Variants in NAP1L4 observed in about 807,000 individuals in gnomAD.
NAP1L4 encodes nucleosome assembly protein 1 like 4.
NAP1L4 carries 15 observed loss-of-function variants against 58.2 expected under a neutral mutation model. The observed-to-expected ratio is 0.26, with a 90% CI of 0.17 to 0.40. The LOEUF (loss-of-function observed/expected upper bound fraction) is 0.40. NAP1L4 is among the 10% of genes least tolerant of loss of function. The pLI is 1.00. For synonymous variants in NAP1L4, 171 were observed against 155.6 expected, an observed-to-expected ratio of 1.10 and a Z score of -0.74; for missense variants, 384 against 451.1, an observed-to-expected ratio of 0.85 and a Z score of 1.35.
In NAP1L4 at chr11:2,957,585, T is replaced by C. The variant is rs140798945; in HGVS notation, c.892+814A>G. ...TAGTTCATGGAAACTAAAGAGAATA[T>C]GGATATTTTAACACTGACAAGTTGC... is the stretch of plus-strand genomic sequence containing the variant. On this transcript the variant is annotated intron_variant, in intron 10 of 15. Coordinates refer to ENST00000380542, the MANE Select transcript of NAP1L4 (RefSeq NM_005969.4). Among the ~76,000 whole-genome samples, 536 of 152,328 alleles carry C rather than the reference T, an allele frequency of 3.5e-3. 14 individuals are homozygous for C. Among genetic ancestry groups the C allele is most frequent in the Non-Finnish European group, 3.1e-3 (214 of 68,040 alleles).
chr11:2,973,642 ACT>A (rs2133979384), intron 4 of NAP1L4, among the ~76,000 whole-genome samples: 1 of 152,276 alleles, frequency 6.6e-6, no homozygotes, highest in South Asian at 2.1e-4. Context: ...TTAAGCAAAG[ACT>A]CTCAAATAAT....
intron 1 of NAP1L4, among the ~76,000 whole-genome samples, chr11:2,980,877 ATT>A (rs1848260728): frequency 6.6e-6 from 1 of 152,118 alleles, no homozygotes; most frequent in South Asian, 2.1e-4. Context: ...AATATTACAC[ATT>A]GTCTTTTTCA....
chr11:2,981,984 T>C (rs1248594098), intron 1 of NAP1L4, among the ~76,000 whole-genome samples: 2 of 152,300 alleles, frequency 1.3e-5, no homozygotes, highest in South Asian at 2.1e-4. Flanking sequence ...TTAGTTCCCT[T>C]CTCACATATT....
At chr11:2,967,920 T>C (rs971077266) in intron 7 of NAP1L4, among the ~76,000 whole-genome samples, 1 of 152,134 alleles carries the variant, frequency 6.6e-6, no homozygotes, top group Non-Finnish European at 1.5e-5. Flanking sequence ...GCACTATCCA[T>C]GGCCAGTGAC....
intron 1 of NAP1L4, chr11:2,991,913 C>G (rs1378407990): frequency 1.3e-5 from 2 of 152,130 alleles, no homozygotes; most frequent in Non-Finnish European, 2.9e-5. Context: ...TCGCCGTCTT[C>G]GCCTCCTCCA....
intron 10 of NAP1L4, 109 bp downstream of exon 10, chr11:2,958,290 C>A (rs1324415808): frequency 1.7e-6 from 2 of 1,173,740 alleles, no homozygotes; most frequent in Non-Finnish European, 2.5e-6. Context: ...CTACTGACCA[C>A]ACTTGCCTGA....
chr11:2,975,965 T>A (rs1254690049), intron 4 of NAP1L4, 59 bp downstream of exon 4: 6 of 1,462,812 alleles, frequency 4.1e-6, no homozygotes, highest in Non-Finnish European at 4.7e-6. Context: ...AAGTGGTTTT[T>A]CCTTTATTTT....
At position 2,955,358 on chromosome 11, in the gene NAP1L4, A is replaced by G. The variant is rs917634615; in HGVS notation, c.915+386T>C. 1.6e-4 allele frequency among the ~76,000 whole-genome samples: 23 copies of G among 148,332 alleles called. No individual in the cohort carries two copies. Among genetic ancestry groups the G allele is most frequent in the African/African-American group, 5.0e-4 (19 of 38,112 alleles). Reference sequence around the variant, plus strand: ...ATTACAGGCGCTGCCACCGTGTCCAACTAATTTTTTTTTTTTTTGGTATTT... The same window carrying G: ...ATTACAGGCGCTGCCACCGTGTCCAGCTAATTTTTTTTTTTTTTGGTATTT... On this transcript the variant is annotated intron_variant, in intron 11 of 15. Transcript: ENST00000380542. This position sits in a 1 kb window ranked among gnomAD's most constrained non-coding sequence, Gnocchi z 4.2.
rs143051401 is a variant in NAP1L4, at chr11:2,946,721, C to G, written c.*33-1075G>C. ...AAAAACAAAATCAATAACCTTGAACCCTGGTGTCTAAGCTCCCAATCTCAG... is the reference window on the plus strand; with the variant it reads ...AAAAACAAAATCAATAACCTTGAACGCTGGTGTCTAAGCTCCCAATCTCAG... On this transcript the variant is annotated intron_variant, in intron 15 of 15. Coordinates refer to ENST00000380542, the MANE Select transcript of NAP1L4 (RefSeq NM_005969.4). This position sits in a 1 kb window ranked among gnomAD's most constrained non-coding sequence, Gnocchi z 4.8. Among the ~76,000 whole-genome samples, 15 of 152,286 alleles carry G rather than the reference C, an allele frequency of 9.8e-5. No homozygotes were observed. Among genetic ancestry groups the G allele is most frequent in the Admixed American group, 9.8e-4 (15 of 15,300 alleles).
At chr11:2,978,029 T>C (rs959333989) in intron 3 of NAP1L4, among the ~76,000 whole-genome samples, 1 of 152,204 alleles carries the variant, frequency 6.6e-6, no homozygotes, top group Non-Finnish European at 1.5e-5. Flanking sequence ...TGGTCATTTG[T>C]TAATCAATAC....
At position 2,951,679 on chromosome 11, in the gene NAP1L4, A is replaced by C. The variant is rs570838713; in HGVS notation, c.1065+101T>G. 6.8e-5 allele frequency: 79 copies of C among 1,157,112 alleles called. No homozygotes were observed. In the African/African-American group the frequency reaches 8.6e-4, roughly 13 times the overall value. The allele number at this position is 1,157,112 out of a possible 1,614,324, so 71.7% of individuals were successfully genotyped here. A position where few individuals can be genotyped will look rare whatever the true frequency, so the allele number is the denominator to read the frequency against. On this transcript the variant is annotated intron_variant, in intron 13 of 15. Coordinates refer to ENST00000380542, the MANE Select transcript of NAP1L4 (RefSeq NM_005969.4). This position sits in a 1 kb window ranked among gnomAD's most constrained non-coding sequence, Gnocchi z 4.0. The stretch of plus-strand genomic sequence containing the variant: ...AGAATCAAAGACAGCGTCACAAAAA[A>C]TGGGTTTAACACAGCCCTGTGAGTC...
intron 8 of NAP1L4, 134 bp from the exon 9 acceptor site, chr11:2,960,043 TCTC>T (rs1451521400): frequency 3.5e-6 from 3 of 868,446 alleles, no homozygotes; most frequent in East Asian, 2.7e-5. Context: ...AAGAAAAACT[TCTC>T]CACCGCAAAA....
intron 3 of NAP1L4, among the ~76,000 whole-genome samples, chr11:2,977,489 G>A (rs1013680353): frequency 3.9e-5 from 6 of 152,206 alleles, no homozygotes; most frequent in African/African-American, 1.4e-4. Context: ...GTGGCCCAGA[G>A]CGCTGATATG....
intron 8 of NAP1L4, among the ~76,000 whole-genome samples, chr11:2,963,262 AGCACC>A (rs1847054283): frequency 1.3e-5 from 2 of 152,208 alleles, no homozygotes; most frequent in African/African-American, 4.8e-5. Context: ...AGAAACTTAA[AGCACC>A]GCACGCTCAC....
In NAP1L4 at chr11:2,949,244, A is replaced by C. The variant is rs1564971512; in HGVS notation, c.*15T>G. On this transcript the variant is annotated 3_prime_UTR_variant, in exon 15 of 16. Transcript: ENST00000380542. The surrounding 1 kb of genome is among the most constrained non-coding windows in gnomAD (Gnocchi z 4.0). ...CACCTTACCTAGAAACGTATGAATG[A>C]TTAACAGACAAAAATTACACCTAAA... The C allele has an allele frequency of 6.2e-7, 1 of 1,600,660 alleles. No individual in the cohort carries two copies. Among genetic ancestry groups the C allele is most frequent in the Non-Finnish European group, 8.6e-7 (1 of 1,167,744 alleles).
chr11:2,983,719 A>C (rs544310919), intron 1 of NAP1L4: 1 of 152,272 alleles, frequency 6.6e-6, no homozygotes, highest in South Asian at 2.1e-4. Context: ...ACAGACACAC[A>C]CTGAACAGCC....
In NAP1L4 at chr11:2,951,850, T is replaced by C. The variant is rs777005286; in HGVS notation, c.1036-41A>G. 1.9e-6 allele frequency: 3 copies of C among 1,600,822 alleles called. No individual in the cohort carries two copies. The South Asian group carries it at 3.3e-5, about 18-fold the overall frequency. ...AAAACATTTTTAGGTTTACAAAACA[T>C]GACAGCAGCCTGCCCAAGACACCAG... On this transcript the variant is annotated intron_variant, in intron 12 of 15. Transcript: ENST00000380542. This position sits in a 1 kb window ranked among gnomAD's most constrained non-coding sequence, Gnocchi z 4.0.
Position 2,955,251 on chromosome 11 carries a change from C to T in NAP1L4, c.915+493G>A, listed in dbSNP as rs889821640. Among the ~76,000 whole-genome samples the T allele has an allele frequency of 1.6e-4, 25 of 152,170 alleles. No homozygotes were observed. The highest frequency in any genetic ancestry group is 4.6e-4 in the African/African-American group (19 of 41,510). On this transcript the variant is annotated intron_variant, in intron 11 of 15. Coordinates refer to ENST00000380542, the MANE Select transcript of NAP1L4 (RefSeq NM_005969.4). The surrounding 1 kb of genome is among the most constrained non-coding windows in gnomAD (Gnocchi z 4.2). ...TCTTGCTCTGTCGCCCAATGGAATA[C>T]GGTGGTGCAATCTCAGCTCACTGCA...
intron 8 of NAP1L4, among the ~76,000 whole-genome samples, chr11:2,961,043 G>A (rs528321934): frequency 2.0e-5 from 3 of 152,124 alleles, no homozygotes; most frequent in African/African-American, 7.2e-5. Context: ...TGGTTAATCT[G>A]TATCACTTAG....
Sources: gnomAD v4.1 joint callset for allele counts (sites outside exome capture counted in the v4.1 genomes callset) on GRCh38, gnomAD v4.1.1 for gene constraint, Gnocchi (gnomAD v3.1) non-coding constraint, MANE v1.5 for transcripts, NCBI Gene and HGNC (gene_info 2026-07-23, HGNC 2026-07-21) for gene names.